Variants in SRP14 observed in about 807,000 individuals in gnomAD.
SRP14 encodes signal recognition particle 14 kDa protein.
Under a neutral mutation model 16.0 loss-of-function variants are expected in SRP14, and 1 was observed. That is an observed-to-expected ratio of 0.06 (90% CI 0.02 to 0.30). SRP14 has a LOEUF of 0.30. Among genes scored for constraint, SRP14 ranks in the 10% least tolerant of loss-of-function variants. The pLI is 1.00. For synonymous variants in SRP14, 67 were observed against 60.1 expected (o/e 1.12, Z -0.53); for missense variants, 120 against 163.1 (o/e 0.74, Z 1.44).
chr15:40,038,961 AGGCCCAGCCCC>A lies in SRP14; in HGVS notation c.25-24_25-14del. ...GCTCCGTCAGGAACTGGAAAACAAC[AGGCCCAGCCCC>A]GTTAGCCAGCCCCAAATCCTCGTCC... On this transcript the variant is annotated splice_polypyrimidine_tract_variant and intron_variant, in intron 1 of 4. Transcript: ENST00000267884. 1.2e-6 allele frequency: 2 copies of A among 1,610,608 alleles called. No individual in the cohort carries two copies. Among genetic ancestry groups the A allele is most frequent in the Non-Finnish European group, 1.7e-6 (2 of 1,178,558 alleles).
chr15:40,037,279 G>GAAAAAAAGAAAAA (rs2035640612), intron 3 of SRP14: 1 of 566,918 alleles, frequency 1.8e-6, no homozygotes, highest in African/African-American at 3.1e-5. Context: ...TCCTTTTGGG[G>GAAAAAAAGAAAAA]AAAAAAAAAA....
rs2035613034 is a variant in SRP14, at chr15:40,035,955, C to G, written c.*378G>C. On this transcript the variant is annotated 3_prime_UTR_variant, in exon 5 of 5. Coordinates refer to ENST00000267884, the MANE Select transcript of SRP14 (RefSeq NM_003134.6). ...CCTAGAAGATATTATAGAGCTAAAG[C>G]CTATTCATTAATCACATCATTCTAG... The G allele has an allele frequency of 5.1e-6, 1 of 194,758 alleles. No individual in the cohort carries two copies. Among genetic ancestry groups the G allele is most frequent in the Non-Finnish European group, 1.0e-5 (1 of 95,932 alleles). The allele number at this position is 194,758 out of a possible 1,614,324, so 12.1% of individuals were successfully genotyped here.
In SRP14 at chr15:40,037,279, G is replaced by GAAAAAAAAAAAAAAAAAAAAAAAA. The variant is rs3215044; in HGVS notation, c.211-262_211-261insTTTTTTTTTTTTTTTTTTTTTTTT. On this transcript the variant is annotated intron_variant, in intron 3 of 4. Coordinates refer to ENST00000267884, the MANE Select transcript of SRP14 (RefSeq NM_003134.6). ...TGAAAGGCAGTAGGCTCCTTTTGGG[G>GAAAAAAAAAAAAAAAAAAAAAAAA]AAAAAAAAAAAAAAAGCTTTGTTTC... 1.2e-5 allele frequency: 9 copies of GAAAAAAAAAAAAAAAAAAAAAAAA among 749,990 alleles called. 1 individual carries two copies. Among genetic ancestry groups the GAAAAAAAAAAAAAAAAAAAAAAAA allele is most frequent in the African/African-American group, 5.5e-5 (2 of 36,600 alleles). The allele number at this position is 749,990 out of a possible 1,614,324, so 46.5% of individuals were successfully genotyped here. A position where few individuals can be genotyped will look rare whatever the true frequency, so the allele number is the denominator to read the frequency against.
Position 40,036,421 on chromosome 15 carries a change from G to A in SRP14, c.323C>T (p.Ala108Val), listed in dbSNP as rs1028654063. Residue 108 changes from alanine (A) to valine (V), a missense_variant, in exon 5 of 5, where the codon GCA becomes GTA. Transcript: ENST00000267884. ...TGCTGCTGCTGCTGCTGCTGCTGCT[G>A]CTTTGGTCTTCTTAGTTTTGTTCTT... ...DKKNKTKKTK[A>V]AAAAAAAAPA... 6.2e-7 allele frequency: 1 copy of A among 1,614,112 alleles called. No homozygotes were observed.
At chr15:40,036,875 T>G in intron 4 of SRP14, 111 bp downstream of exon 4, 1 of 1,255,912 alleles carries the variant, frequency 8.0e-7, no homozygotes, top group Non-Finnish European at 1.2e-6. Flanking sequence ...AACATACTGG[T>G]AAAACTTATC....
intron 4 of SRP14, 45 bp from the exon 5 acceptor site, chr15:40,036,545 C>G (rs1177189412): frequency 1.3e-6 from 2 of 1,584,528 alleles, no homozygotes; most frequent in East Asian, 4.5e-5. Context: ...GATGTGCAAA[C>G]TGGCAGAACA....
intron 3 of SRP14, among the ~76,000 whole-genome samples, chr15:40,037,842 AG>A (rs2035654237): frequency 2.0e-5 from 3 of 152,188 alleles, no homozygotes; most frequent in Admixed American, 1.3e-4. Flanking sequence ...CTCCACTGAA[AG>A]ACTAGGGCTC....
chr15:40,038,008 T>G (rs538291106), intron 3 of SRP14, among the ~76,000 whole-genome samples: 1 of 152,288 alleles, frequency 6.6e-6, no homozygotes, highest in African/African-American at 2.4e-5. Context: ...AATCAAATAT[T>G]TATGCCAGCT....
At chr15:40,038,687 T>A in intron 2 of SRP14, 189 bp downstream of exon 2, 2 of 649,982 alleles carry the variant, frequency 3.1e-6, no homozygotes, top group Non-Finnish European at 5.3e-6. Flanking sequence ...AGAAGCAACC[T>A]AGGCGGCTCA....
At chr15:40,037,217 T>C (rs2035638774) in intron 3 of SRP14, 199 bp from the exon 4 acceptor site, 1 of 1,242,236 alleles carries the variant, frequency 8.1e-7, no homozygotes, top group Non-Finnish European at 1.0e-6. Flanking sequence ...GAAAAGGAGC[T>C]CTGCATCTTT....
At position 40,036,351 on chromosome 15, in the gene SRP14, T is replaced by C. The variant is rs1371289325; in HGVS notation, c.393A>G (p.Ala131=). ...ATAPTTAATT[A]ATAAQ is the part of the protein sequence containing the mutation. The stretch of plus-strand genomic sequence containing the variant: ...ATGCCCTTTACTGTGCTGCTGTTGC[T>C]GCTGTTGTTGCTGCTGTTGTTGGTG... The change falls in exon 5 of 5, where the codon GCA becomes GCG. Residue 131 remains alanine, a synonymous_variant. Coordinates refer to ENST00000267884, the MANE Select transcript of SRP14 (RefSeq NM_003134.6). The C allele has an allele frequency of 9.3e-6, 15 of 1,613,542 alleles. No individual in the cohort carries two copies. The highest frequency in any genetic ancestry group is 1.3e-5 in the Non-Finnish European group (15 of 1,179,764).
rs543717605 is a variant in SRP14 at position 40,036,054 on chromosome 15, T to C, written c.*279A>G. ...AAGAGACAGTGCTGATAAACAGACA[T>C]GTTTAATGATAGCTTGCTCTTCACA... On this transcript the variant is annotated 3_prime_UTR_variant, in exon 5 of 5. Coordinates refer to ENST00000267884, the MANE Select transcript of SRP14 (RefSeq NM_003134.6). 3 of 475,536 alleles carry C rather than the reference T, an allele frequency of 6.3e-6. No homozygotes were observed. Among genetic ancestry groups the C allele is most frequent in the Middle Eastern group, 5.5e-4 (1 of 1,824 alleles). 29.5% of individuals were successfully genotyped at this position (475,536 alleles called of 1,614,324 possible).
intron 2 of SRP14, 181 bp downstream of exon 2, chr15:40,038,695 T>C: frequency 1.5e-6 from 1 of 669,572 alleles, no homozygotes; most frequent in Non-Finnish European, 2.5e-6. Context: ...CCTAGGCGGC[T>C]CAGTGCTGGG....
At position 40,037,014 on chromosome 15, in the gene SRP14, C is replaced by G; in HGVS notation, c.215G>C (p.Ser72Thr). ...CTGAAACTTATTCACTTCCTTGGAG[C>G]TCACCTGAAAAAGAAGGAAAAAAGA... ...DGKKKISTVV[S>T]SKEVNKFQMA... is the part of the protein sequence containing the mutation. The change falls in exon 4 of 5, where the codon AGC (serine) becomes ACC (threonine). Residue 72 changes from serine (S) to threonine (T), a missense_variant. By Grantham distance (58) the Ser-to-Thr change is moderately conservative (BLOSUM62 1). Transcript: ENST00000267884. 6.2e-7 allele frequency: 1 copy of G among 1,613,652 alleles called. No individual in the cohort carries two copies. Among genetic ancestry groups the G allele is most frequent in the Non-Finnish European group, 8.5e-7 (1 of 1,179,874 alleles).
chr15:40,038,468 G>T, intron 2 of SRP14, 74 bp from the exon 3 acceptor site: 1 of 1,043,654 alleles, frequency 9.6e-7, no homozygotes, highest in Non-Finnish European at 1.5e-6. Context: ...TTAAAACAGA[G>T]GAGTGGGGTA....
At chr15:40,037,278 G>GAAAAAAAAAAAAAAAAAAA in intron 3 of SRP14, 1 of 193,382 alleles carries the variant, frequency 5.2e-6, no homozygotes, top group Non-Finnish European at 6.7e-6. Context: ...CTCCTTTTGG[G>GAAAAAAAAAAAAAAAAAAA]GAAAAAAAAA....
rs754123509 is a variant in SRP14 at position 40,038,286 on chromosome 15, G to A, written c.206C>T (p.Thr69Ile). ...RATDGKKKIS[T>I]VVSSKEVNKF... Reference sequence around the variant, plus strand: ...AGCCTTAGAAATTAAGCTCACCACAGTGCTGATCTTCTTCTTCCCATCGGT... The same window carrying A: ...AGCCTTAGAAATTAAGCTCACCACAATGCTGATCTTCTTCTTCCCATCGGT... The change falls in exon 3 of 5, where the codon ACT becomes ATT. Residue 69 changes from threonine to isoleucine, a missense_variant. Thr to Ile is a moderately conservative substitution (Grantham distance 89). Transcript: ENST00000267884. 3 of 1,610,940 alleles carry A rather than the reference G, an allele frequency of 1.9e-6. No homozygotes were observed. The highest frequency in any genetic ancestry group is 2.2e-5 in the East Asian group (1 of 44,894).
In SRP14 at chr15:40,038,954, AAAC is replaced by A. The variant is rs2035675869; in HGVS notation, c.25-9_25-7del. On this transcript the variant is annotated splice_polypyrimidine_tract_variant and splice_region_variant and intron_variant, in intron 1 of 4. Coordinates refer to ENST00000267884, the MANE Select transcript of SRP14 (RefSeq NM_003134.6). Reference sequence around the variant, plus strand: ...CTGGTCAGCTCCGTCAGGAACTGGAAAACAACAGGCCCAGCCCCGTTAGCCAGC... The same window carrying A: ...CTGGTCAGCTCCGTCAGGAACTGGAAAACAGGCCCAGCCCCGTTAGCCAGC... The A allele has an allele frequency of 6.8e-6, 11 of 1,611,756 alleles. No homozygotes were observed. Among genetic ancestry groups the A allele is most frequent in the Non-Finnish European group, 9.3e-6 (11 of 1,179,018 alleles).
At chr15:40,039,062 C>T (rs371183414) in intron 1 of SRP14, 31 bp downstream of exon 1, 3 of 1,609,028 alleles carry the variant, frequency 1.9e-6, no homozygotes, top group East Asian at 2.2e-5. Context: ...TGAGCCGCCC[C>T]CTTCCCTCGG....
Sources: gnomAD v4.1 joint callset for allele counts (sites outside exome capture counted in the v4.1 genomes callset) on GRCh38, gnomAD v4.1.1 for gene constraint, MANE v1.5 for transcripts, NCBI Gene and HGNC (gene_info 2026-07-23, HGNC 2026-07-21) for gene names.